PRRG4: variants seen among roughly 807,000 people sequenced by gnomAD.
PRRG4 encodes the protein transmembrane gamma-carboxyglutamic acid protein 4.
A neutral mutation model predicts 20.0 loss-of-function variants in PRRG4; 12 were observed. The observed-to-expected ratio is 0.60, with a 90% confidence interval of 0.38 to 0.97. The LOEUF is 0.97. Among genes scored for constraint, PRRG4 ranks in the 50% least tolerant of loss-of-function variants. The probability of loss-of-function intolerance (pLI) is 0.00; values close to 1 mark genes in which losing one functional copy is unlikely to be tolerated. For synonymous variants in PRRG4, 94 were observed against 96.4 expected, an observed-to-expected ratio of 0.98 and a Z score of 0.15; for missense variants, 199 against 265.1, an observed-to-expected ratio of 0.75 and a Z score of 1.73.
Position 32,844,467 on chromosome 11 carries a change from CTATTATTATTATTATTAT to C in PRRG4, c.449+4260_449+4277del, listed in dbSNP as rs148170116. Reference sequence around the variant, plus strand: ...GTAGCAAGTACTCAATAAATGTTAGCTATTATTATTATTATTATTATTATTATTATTATTATTATTATT... The same window carrying C: ...GTAGCAAGTACTCAATAAATGTTAGCTATTATTATTATTATTATTATTATT... On this transcript the variant is annotated intron_variant, in intron 5 of 5. Coordinates refer to ENST00000257836, the MANE Select transcript of PRRG4 (RefSeq NM_024081.6). Among the ~76,000 whole-genome samples, 276 of 143,174 alleles carry C rather than the reference CTATTATTATTATTATTAT, an allele frequency of 1.9e-3. 2 individuals are homozygous for C. Among genetic ancestry groups the C allele is most frequent in the East Asian group, 8.9e-3 (44 of 4,948 alleles). The allele number at this position is 143,174 out of a possible 152,430, so 93.9% of individuals were successfully genotyped here.
chr11:32,834,662 TTG>T lies in PRRG4; in HGVS notation c.104-1992_104-1991del, dbSNP rs201525537. ...TTTTAAGAATGTATTTAATTTAATC[TTG>T]TGTCTGAAATATCACCATTTTAAAA... On this transcript the variant is annotated intron_variant, in intron 2 of 5. Coordinates refer to ENST00000257836, the MANE Select transcript of PRRG4 (RefSeq NM_024081.6). Among the ~76,000 whole-genome samples, 227 of 152,276 alleles carry T rather than the reference TTG, an allele frequency of 1.5e-3. 9 individuals carry two copies. In the East Asian group the frequency reaches 0.042, roughly 28 times the overall value.
chr11:32,856,070 T>A lies in PRRG4; in HGVS notation c.*2543T>A, dbSNP rs1399919377. 6.6e-6 allele frequency: 1 copy of A among 152,244 alleles called. No individual in the cohort carries two copies. The highest frequency in any genetic ancestry group is 1.5e-5 in the Non-Finnish European group (1 of 68,044). The allele number at this position is 152,244 out of a possible 1,614,324, so 9.4% of individuals were successfully genotyped here. A position where few individuals can be genotyped will look rare whatever the true frequency, so the allele number is the denominator to read the frequency against. ...TTTCTCATATATACATACATTTATA[T>A]ATGTACATGTTACATATATTTAGAT... is the stretch of plus-strand genomic sequence containing the variant. On this transcript the variant is annotated 3_prime_UTR_variant, in exon 6 of 6. Coordinates refer to ENST00000257836, the MANE Select transcript of PRRG4 (RefSeq NM_024081.6).
chr11:32,830,074 G>A lies in PRRG4; in HGVS notation c.-122G>A. 1 of 989,234 alleles carries A rather than the reference G, an allele frequency of 1.0e-6. No individual in the cohort carries two copies. Among genetic ancestry groups the A allele is most frequent in the Non-Finnish European group, 1.2e-6 (1 of 832,688 alleles). The allele number at this position is 989,234 out of a possible 1,614,324, so 61.3% of individuals were successfully genotyped here. On this transcript the variant is annotated 5_prime_UTR_variant, in exon 1 of 6. Coordinates refer to ENST00000257836, the MANE Select transcript of PRRG4 (RefSeq NM_024081.6). The stretch of plus-strand genomic sequence containing the variant: ...GAGCGAGGCCCGGAGCGTCGCCGAG[G>A]TTTGAGGGCGCCGGAGACCGAGGGC...
chr11:32,846,220 G>A (rs2133447680), intron 5 of PRRG4, among the ~76,000 whole-genome samples: 1 of 152,234 alleles, frequency 6.6e-6, no homozygotes, highest in South Asian at 2.1e-4. Context: ...ATGTTGCCCA[G>A]GCTGATCTGG....
chr11:32,834,761 T>C (rs1851004725), intron 2 of PRRG4, among the ~76,000 whole-genome samples: 1 of 152,300 alleles, frequency 6.6e-6, no homozygotes, highest in South Asian at 2.1e-4. Context: ...TTTGAAATCC[T>C]TGTGTGTATT....
intron 5 of PRRG4, among the ~76,000 whole-genome samples, chr11:32,852,781 T>TC (rs2133452467): frequency 6.6e-6 from 1 of 150,424 alleles, no homozygotes; most frequent in East Asian, 1.9e-4. Context: ...TCTTTTTTTT[T>TC]TTTTTTTTTT....
At chr11:32,830,736 A>G in intron 2 of PRRG4, 104 bp downstream of exon 2, 3 of 1,543,810 alleles carry the variant, frequency 1.9e-6, no homozygotes, top group Non-Finnish European at 2.6e-6. Context: ...TAGAAACACT[A>G]AAATATCCTT....
At chr11:32,835,563 C>A (rs1222331607) in intron 2 of PRRG4, among the ~76,000 whole-genome samples, 1 of 152,098 alleles carries the variant, frequency 6.6e-6, no homozygotes, top group South Asian at 2.1e-4. Context: ...GGTTTTGTGT[C>A]AGCCTGTTCT....
chr11:32,837,384 G>C (rs924441959), intron 3 of PRRG4, among the ~76,000 whole-genome samples: 1 of 151,852 alleles, frequency 6.6e-6, no homozygotes, highest in Admixed American at 6.6e-5. Context: ...TAATTTGAGG[G>C]AAACATTTTT....
intron 5 of PRRG4, among the ~76,000 whole-genome samples, chr11:32,843,730 G>GT (rs11367288): frequency 7.0e-5 from 10 of 142,040 alleles, no homozygotes; most frequent in Non-Finnish European, 1.1e-4. Context: ...CCGTTTTTCT[G>GT]TTTTTTTTTT....
At position 32,840,398 on chromosome 11, in the gene PRRG4, T is replaced by A. The variant is rs1851066937; in HGVS notation, c.449+159T>A. ...AGTTGCAAAGGTTAATACAGAGAGT[T>A]CCCACATATCCATCACCCAATTTCC... On this transcript the variant is annotated intron_variant, in intron 5 of 5. Transcript: ENST00000257836. The surrounding 1 kb of genome is among the most constrained non-coding windows in gnomAD (Gnocchi z 4.1). Among the ~76,000 whole-genome samples, 1 of 152,208 alleles carries A rather than the reference T, an allele frequency of 6.6e-6. No individual in the cohort carries two copies. The highest frequency in any genetic ancestry group is 6.5e-5 in the Admixed American group (1 of 15,268).
intron 5 of PRRG4, among the ~76,000 whole-genome samples, chr11:32,850,246 C>T (rs1276196451): frequency 6.6e-6 from 1 of 152,192 alleles, no homozygotes; most frequent in Non-Finnish European, 1.5e-5. Context: ...TGCTTTTCTT[C>T]ATTTTCCAAC....
At chr11:32,845,441 C>T (rs949561789) in intron 5 of PRRG4, among the ~76,000 whole-genome samples, 1 of 151,906 alleles carries the variant, frequency 6.6e-6, no homozygotes, top group African/African-American at 2.4e-5. Context: ...CTGGCTAAAA[C>T]GGTGAAACCC....
chr11:32,836,820 C>T lies in PRRG4; in HGVS notation c.266C>T (p.Thr89Met), dbSNP rs369625767. The T allele has an allele frequency of 2.5e-5, 40 of 1,608,528 alleles. No individual in the cohort carries two copies. The highest frequency in any genetic ancestry group is 2.1e-4 in the South Asian group (19 of 90,444). Residue 89 changes from threonine (T) to methionine (M), a missense_variant and splice_region_variant, in exon 3 of 6, where the codon ACG becomes ATG. Physicochemically the swap from Thr to Met is moderately conservative, Grantham distance 81. Coordinates refer to ENST00000257836, the MANE Select transcript of PRRG4 (RefSeq NM_024081.6). ...AREIFVDEDK[T>M]IAFWQEYSAK... The stretch of plus-strand genomic sequence containing the variant: ...GAGATTTTTGTGGATGAAGATAAAA[C>T]GGTAATGTGGTTGATTATGTTAATT...
chr11:32,839,757 GAAT>G (rs1851059472), intron 4 of PRRG4, among the ~76,000 whole-genome samples: 1 of 140,912 alleles, frequency 7.1e-6, no homozygotes. Flanking sequence ...GATATATTTT[GAAT>G]ATTATTAAAA....
intron 5 of PRRG4, among the ~76,000 whole-genome samples, chr11:32,849,751 G>T (rs1042678717): frequency 9.9e-5 from 15 of 152,220 alleles, no homozygotes; most frequent in African/African-American, 3.6e-4. Flanking sequence ...CAATAAGGGT[G>T]CAGAAAGAAG....
At chr11:32,839,989 G>A in intron 4 of PRRG4, 118 bp from the exon 5 acceptor site, 1 of 614,964 alleles carries the variant, frequency 1.6e-6, no homozygotes, top group Non-Finnish European at 2.6e-6. Flanking sequence ...CTTGAAAGAA[G>A]TCAACATCAA....
intron 5 of PRRG4, among the ~76,000 whole-genome samples, chr11:32,841,632 T>C (rs1368828867): frequency 6.6e-6 from 1 of 151,938 alleles, no homozygotes; most frequent in African/African-American, 2.4e-5. Context: ...ATAGTGAGAC[T>C]CCTATCTCTA....
chr11:32,830,629 G>A lies in PRRG4; in HGVS notation c.100G>A (p.Glu34Lys), dbSNP rs1850961261. Residue 34 changes from glutamate to lysine, a missense_variant, in exon 2 of 6, where the codon GAA becomes AAA. Coordinates refer to ENST00000257836, the MANE Select transcript of PRRG4 (RefSeq NM_024081.6). ...AAAGGCTTCTAAGCATGCGGGAGAA[G>A]AAGGTAAGCACTAAAACGTCCCTGG... is the stretch of plus-strand genomic sequence containing the variant. ...GPKASKHAGEEVFTSKEEANF... is the reference protein window; with the variant it reads ...GPKASKHAGEKVFTSKEEANF... The A allele has an allele frequency of 1.9e-6, 3 of 1,613,972 alleles. No individual in the cohort carries two copies. The highest frequency in any genetic ancestry group is 1.3e-5 in the African/African-American group (1 of 75,034).
Sources: allele counts gnomAD v4.1 joint callset (sites outside exome capture counted in the v4.1 genomes callset), GRCh38; gene constraint gnomAD v4.1.1; non-coding constraint Gnocchi (gnomAD v3.1); transcripts MANE v1.5; gene names NCBI Gene and HGNC (gene_info 2026-07-23, HGNC 2026-07-21).